Variants in CNTNAP2 observed in about 807,000 individuals in gnomAD.
CNTNAP2 encodes the protein contactin associated protein 2, also known as contactin-associated protein-like 2.
A neutral mutation model predicts 155.2 loss-of-function variants in CNTNAP2; 98 were observed. The observed-to-expected ratio is 0.63, with a 90% CI of 0.54 to 0.75. The LOEUF is 0.75. Ranked by LOEUF, CNTNAP2 falls within the 30% of genes least tolerant of loss-of-function variation. The probability of loss-of-function intolerance (pLI) is 0.00; values close to 1 mark genes in which losing one functional copy is unlikely to be tolerated. For synonymous variants in CNTNAP2, 651 were observed against 631.2 expected (o/e 1.03, Z -0.47); for missense variants, 1,727 against 1,688.1 (o/e 1.02, Z -0.40).
chr7:146,877,578 A>G (rs1011992944), intron 3 of CNTNAP2, among the ~76,000 whole-genome samples: 1 of 151,178 alleles, frequency 6.6e-6, no homozygotes, highest in African/African-American at 2.4e-5. Flanking sequence ...ATGTGTGTGT[A>G]TATGTATACA....
intron 3 of CNTNAP2, among the ~76,000 whole-genome samples, chr7:146,939,401 T>C (rs1796998219): frequency 6.6e-6 from 1 of 152,222 alleles, no homozygotes; most frequent in African/African-American, 2.4e-5. Context: ...TTGCCTCTCA[T>C]CCATTTGTGA....
chr7:147,494,489 T>G (rs1245885605), intron 11 of CNTNAP2, among the ~76,000 whole-genome samples: 2 of 88,820 alleles, frequency 2.3e-5, no homozygotes, highest in Admixed American at 1.1e-4. Flanking sequence ...AAAAAAAAGT[T>G]GATCTGCAAA....
At chr7:147,127,680 A>T (rs1801268526) in intron 6 of CNTNAP2, among the ~76,000 whole-genome samples, 1 of 152,174 alleles carries the variant, frequency 6.6e-6, no homozygotes, top group Non-Finnish European at 1.5e-5. Flanking sequence ...TAATGATAGG[A>T]TATTAGGCTG....
At chr7:147,210,323 G>T (rs1376720881) in intron 8 of CNTNAP2, among the ~76,000 whole-genome samples, 1 of 151,952 alleles carries the variant, frequency 6.6e-6, no homozygotes, top group South Asian at 2.1e-4. Context: ...TCAATCTTGG[G>T]AGATTGTATG....
chr7:148,394,418 C>T (rs1392035848), intron 22 of CNTNAP2, among the ~76,000 whole-genome samples: 1 of 152,164 alleles, frequency 6.6e-6, no homozygotes, highest in African/African-American at 2.4e-5. Context: ...TTTATTATCA[C>T]ATTTAGTGGC....
rs17170407 is a variant in CNTNAP2 at position 147,304,431 on chromosome 7, G to A, written c.1498+4141G>A. ...GGTAATAAGCTTTCTGATACAGGCCGGAATCCATGGCTATGAGACAGCAGT... is the reference window on the plus strand; with the variant it reads ...GGTAATAAGCTTTCTGATACAGGCCAGAATCCATGGCTATGAGACAGCAGT... On this transcript the variant is annotated intron_variant, in intron 9 of 23. Coordinates refer to ENST00000361727, the MANE Select transcript of CNTNAP2 (RefSeq NM_014141.6). Among the ~76,000 whole-genome samples the A allele has an allele frequency of 5.0e-3, 764 of 152,170 alleles. 8 individuals carry two copies. The highest frequency in any genetic ancestry group is 0.017 in the African/African-American group (689 of 41,522).
intron 1 of CNTNAP2, among the ~76,000 whole-genome samples, chr7:146,265,846 G>A (rs533260059): frequency 6.6e-6 from 1 of 152,012 alleles, no homozygotes; most frequent in Admixed American, 6.6e-5. Flanking sequence ...TGTTGTATTG[G>A]AACATTTGGG....
chr7:147,902,099 T>G (rs1474847974), intron 13 of CNTNAP2, among the ~76,000 whole-genome samples: 1 of 152,196 alleles, frequency 6.6e-6, no homozygotes, highest in Non-Finnish European at 1.5e-5. Flanking sequence ...TAGAATCAGT[T>G]CATGGCCCAT....
chr7:147,680,602 G>C (rs1795934039), intron 13 of CNTNAP2, among the ~76,000 whole-genome samples: 2 of 151,794 alleles, frequency 1.3e-5, no homozygotes, highest in African/African-American at 4.8e-5. Context: ...ATGTTTACCA[G>C]TTATACAAAA....
At chr7:148,218,936 C>CTTTTTTTTTTTT (rs746349465) in intron 19 of CNTNAP2, among the ~76,000 whole-genome samples, 2 of 73,630 alleles carry the variant, frequency 2.7e-5, no homozygotes, top group Admixed American at 1.8e-4. Context: ...TAAGATCACT[C>CTTTTTTTTTTTT]TTTTTTTTTT....
At chr7:147,777,381 G>A (rs1446820366) in intron 13 of CNTNAP2, among the ~76,000 whole-genome samples, 1 of 152,192 alleles carries the variant, frequency 6.6e-6, no homozygotes, top group Non-Finnish European at 1.5e-5. Flanking sequence ...GCAAATGTCT[G>A]AAGGTTTGCT....
intron 8 of CNTNAP2, among the ~76,000 whole-genome samples, chr7:147,268,823 C>A (rs1465851782): frequency 6.6e-6 from 1 of 152,058 alleles, no homozygotes; most frequent in Non-Finnish European, 1.5e-5. Context: ...ACAGAAGAAT[C>A]GAAAATGAAA....
intron 1 of CNTNAP2, among the ~76,000 whole-genome samples, chr7:146,471,235 C>A (rs1796793009): frequency 6.6e-6 from 1 of 152,210 alleles, no homozygotes; most frequent in African/African-American, 2.4e-5. Flanking sequence ...TGCTCTTGTT[C>A]TCCATTGTTT....
intron 15 of CNTNAP2, among the ~76,000 whole-genome samples, chr7:148,117,812 AAT>A (rs1245040219): frequency 6.6e-6 from 1 of 150,444 alleles, no homozygotes; most frequent in Non-Finnish European, 1.5e-5. Flanking sequence ...GTTTATCATA[AAT>A]ATTATAAAAT....
intron 8 of CNTNAP2, among the ~76,000 whole-genome samples, chr7:147,202,469 A>G (rs1198539543): frequency 6.6e-6 from 1 of 152,186 alleles, no homozygotes; most frequent in Non-Finnish European, 1.5e-5. Flanking sequence ...ATAAAAAAAC[A>G]TTTATAGATG....
intron 23 of CNTNAP2, among the ~76,000 whole-genome samples, chr7:148,414,418 TC>T (rs986139210): frequency 2.0e-5 from 2 of 101,280 alleles, no homozygotes; most frequent in East Asian, 2.3e-4. Context: ...CCACGTTGTC[TC>T]ATTTTTTTTC....
chr7:148,330,297 G>A (rs868552962), intron 21 of CNTNAP2, among the ~76,000 whole-genome samples: 13 of 151,552 alleles, frequency 8.6e-5, no homozygotes, highest in Admixed American at 3.9e-4. Flanking sequence ...TGGATGGATG[G>A]AGCAGACAGA....
At chr7:147,570,556 A>T (rs1181184603) in intron 12 of CNTNAP2, among the ~76,000 whole-genome samples, 1 of 152,254 alleles carries the variant, frequency 6.6e-6, no homozygotes, top group African/African-American at 2.4e-5. Context: ...TGCAATAAAG[A>T]TTGTATATTT....
Position 146,391,208 on chromosome 7 carries a change from C to T in CNTNAP2, c.97+274235C>T, listed in dbSNP as rs116377640. Among the ~76,000 whole-genome samples the T allele has an allele frequency of 6.0e-3, 903 of 150,910 alleles. 6 individuals carry two copies. Among genetic ancestry groups the T allele is most frequent in the African/African-American group, 0.019 (803 of 41,198 alleles). ...ACATGACAAGTAAATGTGATGCCTG[C>T]TTCTTGATTGATCCTGGGACGAAGT... is the stretch of plus-strand genomic sequence containing the variant. On this transcript the variant is annotated intron_variant, in intron 1 of 23. Transcript: ENST00000361727.
Sources: allele counts gnomAD v4.1 joint callset (sites outside exome capture counted in the v4.1 genomes callset), GRCh38; gene constraint gnomAD v4.1.1; transcripts MANE v1.5; gene names NCBI Gene and HGNC (gene_info 2026-07-23, HGNC 2026-07-21).